ACAD10: variants seen among roughly 807,000 people sequenced by gnomAD.
The protein encoded by ACAD10 is acyl-CoA dehydrogenase family member 10.
Under a neutral mutation model 116.8 loss-of-function variants are expected in ACAD10, and 112 were observed. The ratio of observed to expected loss-of-function variants is 0.96; its 90% CI spans 0.82 to 1.12. The LOEUF is 1.12. Ranked by LOEUF, ACAD10 falls within the 50% of genes most tolerant of loss-of-function variation. The probability of loss-of-function intolerance (pLI) is 0.00; values close to 1 mark genes in which losing one functional copy is unlikely to be tolerated. For synonymous variants in ACAD10, 486 were observed against 510.6 expected, an observed-to-expected ratio of 0.95 and a Z score of 0.65; for missense variants, 1,259 against 1,350.2, an observed-to-expected ratio of 0.93 and a Z score of 1.06.
chr12:111,693,444 C>T (rs1947802702), intron 2 of ACAD10, among the ~76,000 whole-genome samples: 1 of 152,074 alleles, frequency 6.6e-6, no homozygotes, highest in Non-Finnish European at 1.5e-5. Context: ...AGGCTGAGGT[C>T]GGAGGATCAC....
At chr12:111,714,459 GT>G (rs1439336160) in intron 6 of ACAD10, among the ~76,000 whole-genome samples, 5 of 151,338 alleles carry the variant, frequency 3.3e-5, no homozygotes, top group Non-Finnish European at 7.4e-5. Context: ...GAGGCCAGGA[GT>G]TTGAGACCAG....
At chr12:111,719,638 C>T (rs780876925) in intron 7 of ACAD10, among the ~76,000 whole-genome samples, 5 of 152,018 alleles carry the variant, frequency 3.3e-5, no homozygotes, top group South Asian at 2.1e-4. Flanking sequence ...TTGCAACCTC[C>T]GCCTCCTGGG....
In ACAD10 at chr12:111,749,164, G is replaced by A. The variant is rs1269329157; in HGVS notation, c.2645-9G>A. ...GCTATTGCTCACAGTGATCGTTTGGGTCTTTCAGGTGGCCATGGTGAAGTC... is the reference window on the plus strand; with the variant it reads ...GCTATTGCTCACAGTGATCGTTTGGATCTTTCAGGTGGCCATGGTGAAGTC... On this transcript the variant is annotated splice_polypyrimidine_tract_variant and intron_variant, in intron 17 of 20. Transcript: ENST00000313698. 6.2e-7 allele frequency: 1 copy of A among 1,612,764 alleles called. No individual in the cohort carries two copies. The highest frequency in any genetic ancestry group is 1.1e-5 in the South Asian group (1 of 91,076).
intron 8 of ACAD10, 116 bp from the exon 9 acceptor site, chr12:111,727,846 C>A: frequency 1.9e-6 from 2 of 1,064,848 alleles, no homozygotes; most frequent in Non-Finnish European, 2.8e-6. Context: ...TGGGTCTGAA[C>A]TCTTCACCAG....
intron 10 of ACAD10, among the ~76,000 whole-genome samples, chr12:111,731,146 C>T (rs1263509995): frequency 2.0e-5 from 3 of 152,308 alleles, no homozygotes; most frequent in South Asian, 2.1e-4. Context: ...TTGGCTTGAC[C>T]GGTGTCCCTC....
chr12:111,688,060 T>G (rs1406296051), intron 1 of ACAD10: 2 of 151,866 alleles, frequency 1.3e-5, no homozygotes, highest in Admixed American at 6.6e-5. Flanking sequence ...AGAGATAGGG[T>G]TTCACCATGT....
intron 11 of ACAD10, among the ~76,000 whole-genome samples, chr12:111,734,400 G>A (rs967678394): frequency 1.3e-5 from 2 of 152,156 alleles, no homozygotes; most frequent in Non-Finnish European, 2.9e-5. Flanking sequence ...GGCCAAGGCG[G>A]GTGGATCACA....
At chr12:111,746,695 A>G (rs2135989672) in intron 14 of ACAD10, among the ~76,000 whole-genome samples, 1 of 152,048 alleles carries the variant, frequency 6.6e-6, no homozygotes, top group Non-Finnish European at 1.5e-5. Flanking sequence ...TCCAATTTGA[A>G]GCTTGAAATA....
At chr12:111,754,418 T>C (rs1356700273) in intron 19 of ACAD10, among the ~76,000 whole-genome samples, 2 of 152,192 alleles carry the variant, frequency 1.3e-5, no homozygotes, top group African/African-American at 4.8e-5. Context: ...CCCAAGTAGC[T>C]GGGACTCCAG....
intron 2 of ACAD10, 22 bp downstream of exon 2, chr12:111,692,918 A>G: frequency 6.2e-7 from 1 of 1,610,306 alleles, no homozygotes; most frequent in South Asian, 1.1e-5. Context: ...ATTCTGTTTC[A>G]CTTTGTGGGA....
intron 6 of ACAD10, among the ~76,000 whole-genome samples, chr12:111,714,745 C>A (rs1373983839): frequency 6.6e-6 from 1 of 151,320 alleles, no homozygotes; most frequent in Admixed American, 6.6e-5. Flanking sequence ...GGAGTTTTGC[C>A]CTTGTTGCCC....
chr12:111,756,021 A>G, intron 20 of ACAD10: 1 of 864,922 alleles, frequency 1.2e-6, no homozygotes, highest in East Asian at 2.8e-5. Context: ...ATTCACATGA[A>G]CTTGGGTTTT....
intron 8 of ACAD10, among the ~76,000 whole-genome samples, chr12:111,724,109 G>T (rs1162986315): frequency 4.0e-5 from 6 of 150,008 alleles, no homozygotes; most frequent in African/African-American, 1.5e-4. Context: ...TAGATGGGAT[G>T]GCGTCTGGGC....
chr12:111,734,352 G>A (rs1487935920), intron 11 of ACAD10, among the ~76,000 whole-genome samples: 1 of 152,232 alleles, frequency 6.6e-6, no homozygotes, highest in Non-Finnish European at 1.5e-5. Flanking sequence ...TTGTGGCTGG[G>A]TGTGGTGTCT....
At chr12:111,700,216 G>A (rs1031400513) in intron 2 of ACAD10, among the ~76,000 whole-genome samples, 1 of 151,976 alleles carries the variant, frequency 6.6e-6, no homozygotes, top group African/African-American at 2.4e-5. Context: ...GACAGATTTG[G>A]CCCCAAGCCA....
Position 111,747,184 on chromosome 12 carries a change from C to T in ACAD10, c.2392C>T (p.Gln798Ter). 3 of 1,609,678 alleles carry T rather than the reference C, an allele frequency of 1.9e-6. No individual in the cohort carries two copies. The highest frequency in any genetic ancestry group is 2.5e-6 in the Non-Finnish European group (3 of 1,176,606). The change falls in exon 15 of 21, where the codon CAG (glutamine) becomes TAG (stop). Residue 798 changes from glutamine (Q) to a stop codon, truncating the protein, a stop_gained and splice_region_variant. Coordinates refer to ENST00000313698, the MANE Select transcript of ACAD10 (RefSeq NM_025247.6). LOFTEE classifies it high-confidence loss of function. ...CTCCTGTTTTGCTATGACCGAGCCCCAGGTACGTCGCCTGGGCTGCCACCC... is the reference window on the plus strand; with the variant it reads ...CTCCTGTTTTGCTATGACCGAGCCCTAGGTACGTCGCCTGGGCTGCCACCC... ...ARSCFAMTEP[Q>*]VASSDATNIE...
intron 13 of ACAD10, 93 bp from the exon 14 acceptor site, chr12:111,746,051 C>T: frequency 1.3e-6 from 2 of 1,509,780 alleles, no homozygotes; most frequent in Non-Finnish European, 8.9e-7. Context: ...GGTTGTCTGC[C>T]TTGTTTCCTC....
chr12:111,730,438 T>C (rs1165962777), intron 10 of ACAD10, among the ~76,000 whole-genome samples: 1 of 152,064 alleles, frequency 6.6e-6, no homozygotes, highest in Non-Finnish European at 1.5e-5. Context: ...CTGGGTGTAA[T>C]GAAAGGATTG....
At chr12:111,722,639 C>T (rs958247541) in intron 8 of ACAD10, among the ~76,000 whole-genome samples, 9 of 152,020 alleles carry the variant, frequency 5.9e-5, no homozygotes, top group Admixed American at 2.0e-4. Context: ...CATCTTGCAC[C>T]GCCCTTAATC....
Sources: gnomAD v4.1 joint callset for allele counts (sites outside exome capture counted in the v4.1 genomes callset) on GRCh38, gnomAD v4.1.1 for gene constraint, MANE v1.5 for transcripts, NCBI Gene and HGNC (gene_info 2026-07-23, HGNC 2026-07-21) for gene names.